The following GRIK4 variants were observed in gnomAD, a reference collection of about 807,000 sequenced individuals.
GRIK4 encodes glutamate ionotropic receptor kainate type subunit 4.
Under a neutral mutation model 104.9 loss-of-function variants are expected in GRIK4, and 40 were observed. The observed-to-expected ratio is 0.38, with a 90% CI of 0.30 to 0.50. GRIK4 has a LOEUF of 0.50. GRIK4 is among the 20% of genes least tolerant of loss of function. The pLI, the probability that GRIK4 is intolerant of heterozygous loss-of-function variation, is 0.93. For missense variants in GRIK4, 1,047 were observed against 1,308.1 expected, an observed-to-expected ratio of 0.80 and a Z score of 3.08; for synonymous variants, 485 against 524.9, an observed-to-expected ratio of 0.92 and a Z score of 1.04.
At chr11:120,815,718 G>A (rs1952938939) in intron 5 of GRIK4, among the ~76,000 whole-genome samples, 2 of 152,154 alleles carry the variant, frequency 1.3e-5, no homozygotes, top group Admixed American at 1.3e-4. Flanking sequence ...CCCTGTCTTA[G>A]GGTCCCATGG....
chr11:120,565,596 A>G (rs1948311213), intron 1 of GRIK4, among the ~76,000 whole-genome samples: 1 of 152,204 alleles, frequency 6.6e-6, no homozygotes, highest in Non-Finnish European at 1.5e-5. Flanking sequence ...CCAATATTGT[A>G]CGAGGTACAA....
chr11:120,623,749 A>T (rs1949218561), intron 1 of GRIK4, among the ~76,000 whole-genome samples: 3 of 152,192 alleles, frequency 2.0e-5, no homozygotes. Flanking sequence ...CCTTCCCATC[A>T]GAAAGTGAGG....
chr11:120,639,680 C>A (rs1359676132), intron 1 of GRIK4, among the ~76,000 whole-genome samples: 1 of 152,228 alleles, frequency 6.6e-6, no homozygotes, highest in Non-Finnish European at 1.5e-5. Flanking sequence ...GCAAACGTCT[C>A]TTCCTCTGCC....
intron 1 of GRIK4, among the ~76,000 whole-genome samples, chr11:120,566,067 A>C (rs576879545): frequency 6.6e-6 from 1 of 152,252 alleles, no homozygotes; most frequent in South Asian, 2.1e-4. Context: ...TTTATATCCA[A>C]GATACAGTAA....
Position 120,524,549 on chromosome 11 carries a change from C to A in GRIK4, c.-159+12662C>A, listed in dbSNP as rs975814718. On this transcript the variant is annotated intron_variant, in intron 1 of 20. Coordinates refer to ENST00000527524, the MANE Select transcript of GRIK4 (RefSeq NM_014619.5). The surrounding 1 kb of genome is among the most constrained non-coding windows in gnomAD (Gnocchi z 4.5). ...GGCCTACCTGGACCTTGGCTCCAGG[C>A]ACTTTACCCCCTCCTCGAACCCAGA... Among the ~76,000 whole-genome samples, 2 of 152,194 alleles carry A rather than the reference C, an allele frequency of 1.3e-5. No individual in the cohort carries two copies. The highest frequency in any genetic ancestry group is 2.9e-5 in the Non-Finnish European group (2 of 68,034).
At chr11:120,878,457 C>G (rs1954876829) in intron 11 of GRIK4, among the ~76,000 whole-genome samples, 1 of 152,196 alleles carries the variant, frequency 6.6e-6, no homozygotes, top group Non-Finnish European at 1.5e-5. Flanking sequence ...CTTGACCTCT[C>G]CACATCCTAC....
chr11:120,598,883 G>C (rs541953835), intron 1 of GRIK4, among the ~76,000 whole-genome samples: 1 of 152,270 alleles, frequency 6.6e-6, no homozygotes, highest in Admixed American at 6.5e-5. Context: ...GTTAATGTCC[G>C]GTTGGCCAAA....
At chr11:120,756,132 C>A (rs954897241) in intron 3 of GRIK4, among the ~76,000 whole-genome samples, 1 of 152,172 alleles carries the variant, frequency 6.6e-6, no homozygotes, top group African/African-American at 2.4e-5. Context: ...TCACCTGCAC[C>A]ACCCTAAACC....
chr11:120,659,234 C>T (rs1949771824), intron 2 of GRIK4, among the ~76,000 whole-genome samples: 1 of 152,012 alleles, frequency 6.6e-6, no homozygotes, highest in Admixed American at 6.6e-5. Context: ...GATTTGACAT[C>T]AGAGGCCCAC....
intron 3 of GRIK4, among the ~76,000 whole-genome samples, chr11:120,690,177 A>ATGC (rs1353728666): frequency 6.6e-6 from 1 of 152,178 alleles, no homozygotes; most frequent in African/African-American, 2.4e-5. Context: ...CAGACCCTAA[A>ATGC]TGCTGAAGCA....
chr11:120,782,045 C>T (rs1309554446), intron 3 of GRIK4, among the ~76,000 whole-genome samples: 1 of 152,186 alleles, frequency 6.6e-6, no homozygotes, highest in African/African-American at 2.4e-5. Context: ...TCAGGTGGCG[C>T]TTCATTAGCA....
intron 1 of GRIK4, among the ~76,000 whole-genome samples, chr11:120,538,523 A>G (rs1035540625): frequency 4.6e-5 from 7 of 152,158 alleles, no homozygotes; most frequent in Non-Finnish European, 7.3e-5. Flanking sequence ...GTTAGAATCA[A>G]TTTTCACATT....
Position 120,703,689 on chromosome 11 carries a change from T to C in GRIK4, c.82+43289T>C, listed in dbSNP as rs529125724. Among the ~76,000 whole-genome samples the C allele has an allele frequency of 8.8e-4, 134 of 152,264 alleles. 1 individual carries two copies. In the South Asian group the frequency reaches 0.027, roughly 31 times the overall value. On this transcript the variant is annotated intron_variant, in intron 3 of 20. Transcript: ENST00000527524. ...GCCGTATCTCCTGAGCAGCAAATCA[T>C]TTAAATTCCTTTGAAATACTGTTAC... is the stretch of plus-strand genomic sequence containing the variant.
intron 11 of GRIK4, among the ~76,000 whole-genome samples, chr11:120,882,726 A>G (rs1192996444): frequency 6.6e-6 from 1 of 152,124 alleles, no homozygotes; most frequent in Non-Finnish European, 1.5e-5. Flanking sequence ...CTACCAGAGA[A>G]CACATCAGTG....
At chr11:120,561,983 A>G (rs1450032085) in intron 1 of GRIK4, among the ~76,000 whole-genome samples, 2 of 152,230 alleles carry the variant, frequency 1.3e-5, no homozygotes, top group Non-Finnish European at 2.9e-5. Context: ...CCCCAGAAGG[A>G]TGTCGTGTTC....
chr11:120,571,327 C>T (rs569224998), intron 1 of GRIK4, among the ~76,000 whole-genome samples: 10 of 152,260 alleles, frequency 6.6e-5, no homozygotes, highest in African/African-American at 2.2e-4. Flanking sequence ...CTCTGCATGC[C>T]GCTGCACACC....
rs1944053038 is a variant in GRIK4, at chr11:120,953,332, C to T, written c.1700+368C>T. 6.6e-6 allele frequency among the ~76,000 whole-genome samples: 1 copy of T among 152,142 alleles called. No homozygotes were observed. Among genetic ancestry groups the T allele is most frequent in the Non-Finnish European group, 1.5e-5 (1 of 68,042 alleles). On this transcript the variant is annotated intron_variant, in intron 15 of 20. Coordinates refer to ENST00000527524, the MANE Select transcript of GRIK4 (RefSeq NM_014619.5). This position sits in a 1 kb window ranked among gnomAD's most constrained non-coding sequence, Gnocchi z 4.9. Reference sequence around the variant, plus strand: ...AAGATGACTCTCATTAAGCACTGTGCATTTGGCTGCCCTGGCATCAGTCAT... The same window carrying T: ...AAGATGACTCTCATTAAGCACTGTGTATTTGGCTGCCCTGGCATCAGTCAT...
chr11:120,964,802 A>G (rs988857926), intron 18 of GRIK4, among the ~76,000 whole-genome samples: 2 of 152,206 alleles, frequency 1.3e-5, no homozygotes, highest in African/African-American at 2.4e-5. Context: ...TTCCCATCCT[A>G]TAGAGGACAG....
intron 10 of GRIK4, 115 bp downstream of exon 10, chr11:120,874,333 C>T (rs1464017587): frequency 1.9e-5 from 15 of 795,468 alleles, no homozygotes; most frequent in Non-Finnish European, 3.0e-5. Context: ...TCTGTTATTA[C>T]AGCCCCAGAT....
Sources: gnomAD v4.1 joint callset for allele counts (sites outside exome capture counted in the v4.1 genomes callset) on GRCh38, gnomAD v4.1.1 for gene constraint, Gnocchi (gnomAD v3.1) non-coding constraint, MANE v1.5 for transcripts, NCBI Gene and HGNC (gene_info 2026-07-23, HGNC 2026-07-21) for gene names.